The following LMX1A variants were observed in gnomAD, a reference collection of about 807,000 sequenced individuals.
LMX1A encodes the protein LIM homeobox transcription factor 1 alpha.
Under a neutral mutation model 49.1 loss-of-function variants are expected in LMX1A, and 15 were observed. The ratio of observed to expected loss-of-function variants is 0.31; its 90% CI spans 0.20 to 0.47. The LOEUF is 0.47. LMX1A is among the 20% of genes least tolerant of loss of function. The probability of loss-of-function intolerance (pLI) is 1.00; values close to 1 mark genes in which losing one functional copy is unlikely to be tolerated. For synonymous variants in LMX1A, 167 were observed against 185.7 expected, an observed-to-expected ratio of 0.90 and a Z score of 0.82; for missense variants, 372 against 475.8, an observed-to-expected ratio of 0.78 and a Z score of 2.03.
At chr1:165,246,894 G>A (rs1361595203) in intron 4 of LMX1A, among the ~76,000 whole-genome samples, 1 of 109,708 alleles carries the variant, frequency 9.1e-6, no homozygotes, top group Non-Finnish European at 2.0e-5. Context: ...TGAATAAACT[G>A]GAAAGCTCCA....
intron 3 of LMX1A, among the ~76,000 whole-genome samples, chr1:165,318,468 T>C (rs919808804): frequency 1.0e-4 from 14 of 133,872 alleles, no homozygotes; most frequent in African/African-American, 1.8e-4. Flanking sequence ...TAAGGCATTA[T>C]ATAATTTTTT....
chr1:165,254,117 T>C (rs994940907), intron 3 of LMX1A, among the ~76,000 whole-genome samples: 1 of 152,100 alleles, frequency 6.6e-6, no homozygotes, highest in African/African-American at 2.4e-5. Flanking sequence ...TCAAGGCAAA[T>C]GCTCCCAGGG....
At chr1:165,211,733 C>T (rs1019265986) in intron 5 of LMX1A, among the ~76,000 whole-genome samples, 1 of 152,166 alleles carries the variant, frequency 6.6e-6, no homozygotes, top group Non-Finnish European at 1.5e-5. Flanking sequence ...CAGGGGCCCA[C>T]CTCCACCTGC....
chr1:165,267,722 T>C (rs1273952075), intron 3 of LMX1A, among the ~76,000 whole-genome samples: 1 of 152,054 alleles, frequency 6.6e-6, no homozygotes, highest in East Asian at 1.9e-4. Flanking sequence ...CCAACTCAAG[T>C]GAATATTTCA....
At chr1:165,257,174 C>A (rs928007449) in intron 3 of LMX1A, among the ~76,000 whole-genome samples, 8 of 151,964 alleles carry the variant, frequency 5.3e-5, no homozygotes, top group Admixed American at 6.6e-5. Flanking sequence ...GTAAATAGAA[C>A]TATTTTATGA....
At chr1:165,265,638 A>G (rs1400002467) in intron 3 of LMX1A, among the ~76,000 whole-genome samples, 5 of 152,208 alleles carry the variant, frequency 3.3e-5, no homozygotes, top group Non-Finnish European at 7.3e-5. Flanking sequence ...TACCAATGAG[A>G]GCTACCCTGG....
chr1:165,333,226 C>T (rs929811475), intron 3 of LMX1A, among the ~76,000 whole-genome samples: 7 of 152,284 alleles, frequency 4.6e-5, no homozygotes, highest in African/African-American at 7.2e-5. Context: ...GGAGCGATCT[C>T]GGCTCACCAC....
chr1:165,274,353 TTG>T (rs1653900478), intron 3 of LMX1A, among the ~76,000 whole-genome samples: 1 of 152,210 alleles, frequency 6.6e-6, no homozygotes, highest in Non-Finnish European at 1.5e-5. Context: ...CCTCACTACT[TTG>T]TGTCTCTAGA....
intron 3 of LMX1A, among the ~76,000 whole-genome samples, chr1:165,261,301 C>T (rs922561941): frequency 6.6e-6 from 1 of 152,054 alleles, no homozygotes; most frequent in South Asian, 2.1e-4. Context: ...ACTCTCTCCC[C>T]ATCCTTCCAT....
intron 8 of LMX1A, among the ~76,000 whole-genome samples, chr1:165,204,786 G>A (rs1338436216): frequency 6.6e-6 from 1 of 152,076 alleles, no homozygotes; most frequent in Non-Finnish European, 1.5e-5. Context: ...AAAAGAATTT[G>A]CAAAAAAATG....
chr1:165,306,131 G>A (rs889869733), intron 3 of LMX1A, among the ~76,000 whole-genome samples: 3 of 152,150 alleles, frequency 2.0e-5, no homozygotes, highest in African/African-American at 7.2e-5. Flanking sequence ...CCACCCATCA[G>A]ACATCCTTTA....
chr1:165,282,332 T>G lies in LMX1A; in HGVS notation c.264-32692A>C, dbSNP rs57507867. 3.5e-3 allele frequency among the ~76,000 whole-genome samples: 537 copies of G among 152,270 alleles called. 3 individuals carry two copies. Among genetic ancestry groups the G allele is most frequent in the African/African-American group, 0.012 (510 of 41,542 alleles). On this transcript the variant is annotated intron_variant, in intron 3 of 8. Transcript: ENST00000342310. ...CCAGAAGCCCCTCGGATACCAAAAC[T>G]CTCAGGTGCTCAAGTCTCTGATATA...
chr1:165,290,229 C>T (rs1484962241), intron 3 of LMX1A, among the ~76,000 whole-genome samples: 2 of 152,196 alleles, frequency 1.3e-5, no homozygotes, highest in Admixed American at 6.5e-5. Flanking sequence ...CTTAAAACAA[C>T]AGAAATTTAT....
Position 165,236,411 on chromosome 1 carries a change from C to A in LMX1A, c.496+12997G>T, listed in dbSNP as rs568230671. On this transcript the variant is annotated intron_variant, in intron 4 of 8. Coordinates refer to ENST00000342310, the MANE Select transcript of LMX1A (RefSeq NM_177398.4). ...ACCACACTGTGGGTTCTCTCTCCCCCACCCCTGCCAGATTCTTGCCATATC... is the reference window on the plus strand; with the variant it reads ...ACCACACTGTGGGTTCTCTCTCCCCAACCCCTGCCAGATTCTTGCCATATC... 1.4e-3 allele frequency among the ~76,000 whole-genome samples: 207 copies of A among 152,128 alleles called. 1 individual carries two copies. The highest frequency in any genetic ancestry group is 2.3e-3 in the Non-Finnish European group (157 of 68,004).
intron 3 of LMX1A, among the ~76,000 whole-genome samples, chr1:165,317,451 A>C (rs1655259622): frequency 6.6e-6 from 1 of 152,236 alleles, no homozygotes; most frequent in African/African-American, 2.4e-5. Flanking sequence ...GTACATATTA[A>C]TACAAAATAA....
In LMX1A at chr1:165,341,441, C is replaced by T. The variant is rs551460852; in HGVS notation, c.263+11635G>A. On this transcript the variant is annotated intron_variant, in intron 3 of 8. Transcript: ENST00000342310. ...TTTTTAAACAACCCCAAGCAAGTCA[C>T]GTAATTAATTTATCTATTCAACTAA... Among the ~76,000 whole-genome samples, 6 of 152,234 alleles carry T rather than the reference C, an allele frequency of 3.9e-5. No individual in the cohort carries two copies. The South Asian group carries it at 8.3e-4, about 21-fold the overall frequency.
chr1:165,239,950 C>A (rs1212579846), intron 4 of LMX1A, among the ~76,000 whole-genome samples: 4 of 152,158 alleles, frequency 2.6e-5, no homozygotes, highest in Non-Finnish European at 4.4e-5. Context: ...GAATTTATAC[C>A]AATTCCAAAA....
At chr1:165,211,841 T>C (rs1651411281) in intron 5 of LMX1A, among the ~76,000 whole-genome samples, 1 of 152,150 alleles carries the variant, frequency 6.6e-6, no homozygotes, top group African/African-American at 2.4e-5. Context: ...TCCCTTCCCT[T>C]GCTTCCTGGC....
In LMX1A at chr1:165,273,936, C is replaced by A. The variant is rs1571194434; in HGVS notation, c.264-24296G>T. On this transcript the variant is annotated intron_variant, in intron 3 of 8. Coordinates refer to ENST00000342310, the MANE Select transcript of LMX1A (RefSeq NM_177398.4). ...TGGAGACAAGAGATGTGGCCATCAT[C>A]GTGCTCACCAACCCTTACATACCCA... Among the ~76,000 whole-genome samples, 3 of 152,182 alleles carry A rather than the reference C, an allele frequency of 2.0e-5. No individual in the cohort carries two copies. The East Asian group carries it at 5.8e-4, about 29-fold the overall frequency.
Sources: gnomAD v4.1 joint callset for allele counts (sites outside exome capture counted in the v4.1 genomes callset) on GRCh38, gnomAD v4.1.1 for gene constraint, MANE v1.5 for transcripts, NCBI Gene and HGNC (gene_info 2026-07-23, HGNC 2026-07-21) for gene names.